ATP2B2: variants seen among roughly 807,000 people sequenced by gnomAD.
The protein encoded by ATP2B2 is plasma membrane calcium-transporting ATPase 2.
A neutral mutation model predicts 120.0 loss-of-function variants in ATP2B2; 15 were observed. The observed-to-expected ratio is 0.12, with a 90% CI of 0.08 to 0.19. ATP2B2 has a LOEUF of 0.19. Among genes scored for constraint, ATP2B2 ranks in the 10% least tolerant of loss-of-function variants. ATP2B2 has a pLI of 1.00. For synonymous variants in ATP2B2, 694 were observed against 700.3 expected (o/e 0.99, Z 0.14); for missense variants, 1,045 against 1,719.8 (o/e 0.61, Z 6.94).
At chr3:10,610,958 C>T (rs745973597) in intron 2 of ATP2B2, among the ~76,000 whole-genome samples, 19 of 152,182 alleles carry the variant, frequency 1.2e-4, no homozygotes, top group African/African-American at 3.4e-4. Context: ...GCATCCTGCC[C>T]GGCTGGGCTC....
chr3:10,417,360 G>A (rs1409034527), intron 2 of ATP2B2, among the ~76,000 whole-genome samples: 5 of 151,270 alleles, frequency 3.3e-5, no homozygotes, highest in African/African-American at 4.9e-5. Flanking sequence ...TGCAGCAGCC[G>A]GGCAGAGGCG....
intron 1 of ATP2B2, among the ~76,000 whole-genome samples, chr3:10,706,190 GTGAATGAA>G (rs913634187): frequency 5.9e-5 from 9 of 152,118 alleles, no homozygotes; most frequent in African/African-American, 1.7e-4. Context: ...GAGTGAGTGA[GTGAATGAA>G]TGAATGAATG....
At chr3:10,419,543 G>T (rs3774145) in intron 2 of ATP2B2, among the ~76,000 whole-genome samples, 26,694 of 152,162 alleles carry the variant, frequency 0.18, 5,207 homozygotes, top group African/African-American at 0.49. Flanking sequence ...TACCTAGATC[G>T]GGAGACCTGG....
At chr3:10,469,541 C>T (rs564436806) in intron 1 of ATP2B2, among the ~76,000 whole-genome samples, 1 of 152,224 alleles carries the variant, frequency 6.6e-6, no homozygotes, top group African/African-American at 2.4e-5. Context: ...AAGCCAGCGT[C>T]AGGCCCCCTG....
intron 1 of ATP2B2, among the ~76,000 whole-genome samples, chr3:10,469,365 A>G (rs1236755523): frequency 1.3e-5 from 2 of 152,272 alleles, no homozygotes; most frequent in African/African-American, 2.4e-5. Flanking sequence ...AACTTGCCCA[A>G]GGTCACTCAG....
At chr3:10,496,894 C>T (rs1054815344) in intron 1 of ATP2B2, among the ~76,000 whole-genome samples, 1 of 152,236 alleles carries the variant, frequency 6.6e-6, no homozygotes, top group African/African-American at 2.4e-5. Flanking sequence ...CAACTCCAAT[C>T]CACTTTGTGG....
At chr3:10,512,459 T>TGC (rs1427493421) in intron 3 of ATP2B2, among the ~76,000 whole-genome samples, 54 of 80,608 alleles carry the variant, frequency 6.7e-4, no homozygotes, top group African/African-American at 4.7e-3. Flanking sequence ...TGCTAAAGTG[T>TGC]GTGCGCACAC....
chr3:10,606,948 GAGGGGGA>G (rs138507793), intron 2 of ATP2B2, among the ~76,000 whole-genome samples: 44,794 of 118,786 alleles, frequency 0.38, 9,273 homozygotes, highest in East Asian at 0.76. Context: ...GGGAGAGGGA[GAGGGGGA>G]GGGGGGGAGA....
rs2063486100 is a variant in ATP2B2, at chr3:10,436,561, T to C, written c.199+12784A>G. Among the ~76,000 whole-genome samples the C allele has an allele frequency of 2.0e-5, 3 of 152,236 alleles. No homozygotes were observed. The South Asian group carries it at 6.2e-4, about 32-fold the overall frequency. Reference sequence around the variant, plus strand: ...GACCAAAAGAAGCTTTTGTAGTGGATTTTTCCCAACCTGCAGTTCCCCAAA... The same window carrying C: ...GACCAAAAGAAGCTTTTGTAGTGGACTTTTCCCAACCTGCAGTTCCCCAAA... On this transcript the variant is annotated intron_variant, in intron 2 of 22. Coordinates refer to ENST00000360273, the MANE Select transcript of ATP2B2 (RefSeq NM_001001331.4).
intron 1 of ATP2B2, among the ~76,000 whole-genome samples, chr3:10,486,565 A>G (rs1256420118): frequency 1.3e-5 from 2 of 151,244 alleles, no homozygotes; most frequent in Non-Finnish European, 2.9e-5. Context: ...GCACTGGCTG[A>G]CTCCTTTGCT....
In ATP2B2 at chr3:10,695,251, G is replaced by GGAGGGGGAGAGAGAGAGA. The variant is rs60247955; in HGVS notation, c.-460+12663_-460+12664insTCTCTCTCTCTCCCCCTC. ...GGTAGCAGGCAAAGGAGGGAGGGAG[G>GGAGGGGGAGAGAGAGAGA]GAGAGAGAGAGAGAGAGAGAGAGAG... is the stretch of plus-strand genomic sequence containing the variant. On this transcript the variant is annotated intron_variant, in intron 1 of 21. Transcript: ENST00000646379. 1.7e-3 allele frequency among the ~76,000 whole-genome samples: 213 copies of GGAGGGGGAGAGAGAGAGA among 126,956 alleles called. 2 individuals carry two copies. The highest frequency in any genetic ancestry group is 4.1e-3 in the African/African-American group (121 of 29,448). The allele number at this position is 126,956 out of a possible 152,430, so 83.3% of individuals were successfully genotyped here.
intron 1 of ATP2B2, among the ~76,000 whole-genome samples, chr3:10,631,454 A>C (rs1293386038): frequency 6.6e-6 from 1 of 152,260 alleles, no homozygotes; most frequent in African/African-American, 2.4e-5. Flanking sequence ...GCTCAAGGTC[A>C]CACAGTTGGC....
chr3:10,356,155 CGT>C (rs911717639), intron 14 of ATP2B2, among the ~76,000 whole-genome samples: 842 of 26,368 alleles, frequency 0.032, 126 homozygotes, highest in African/African-American at 0.056. Flanking sequence ...TGCGTGTGTG[CGT>C]GTGTGTGTGT....
intron 3 of ATP2B2, among the ~76,000 whole-genome samples, chr3:10,529,848 G>A (rs1397536539): frequency 6.6e-6 from 1 of 152,158 alleles, no homozygotes; most frequent in African/African-American, 2.4e-5. Context: ...GGACACAGAG[G>A]CACTCACTGG....
In ATP2B2 at chr3:10,326,896, T is replaced by C. The variant is rs567983432; in HGVS notation, c.*1918A>G. 12 of 398,924 alleles carry C rather than the reference T, an allele frequency of 3.0e-5. No individual in the cohort carries two copies. In the East Asian group the frequency reaches 4.3e-4, roughly 14 times the overall value. The allele number at this position is 398,924 out of a possible 1,614,324, so 24.7% of individuals were successfully genotyped here. A position where few individuals can be genotyped will look rare whatever the true frequency, so the allele number is the denominator to read the frequency against. On this transcript the variant is annotated 3_prime_UTR_variant, in exon 23 of 23. Transcript: ENST00000360273. ...TCATCTTGTTTGTGGAAGAGTTCTC[T>C]GGGCCTGGAGAAGGGAAGGGGCTGG... is the stretch of plus-strand genomic sequence containing the variant.
chr3:10,662,375 G>T (rs558284730), intron 1 of ATP2B2, among the ~76,000 whole-genome samples: 2 of 149,370 alleles, frequency 1.3e-5, no homozygotes, highest in East Asian at 3.9e-4. Context: ...AATCTACAAA[G>T]AACTCAAACA....
chr3:10,377,132 T>C (rs1455758665), intron 10 of ATP2B2, among the ~76,000 whole-genome samples: 2 of 152,174 alleles, frequency 1.3e-5, no homozygotes, highest in Non-Finnish European at 2.9e-5. Flanking sequence ...GTGAGGACTT[T>C]GAAGGCCATG....
chr3:10,484,311 C>A (rs1395223602), intron 1 of ATP2B2, among the ~76,000 whole-genome samples: 1 of 152,158 alleles, frequency 6.6e-6, no homozygotes, highest in East Asian at 1.9e-4. Context: ...GGGGTGAACA[C>A]ACAGCCCCCT....
In ATP2B2 at chr3:10,431,749, A is replaced by T. The variant is rs1308002540; in HGVS notation, c.199+17596T>A. On this transcript the variant is annotated intron_variant, in intron 2 of 22. Transcript: ENST00000360273. ...GAAACATCTACTGAATGAATAACTT[A>T]AAAAAAAAAAAAGGATTTCCCAGTG... Among the ~76,000 whole-genome samples, 8 of 121,962 alleles carry T rather than the reference A, an allele frequency of 6.6e-5. No homozygotes were observed. In the East Asian group the frequency reaches 1.6e-3, roughly 25 times the overall value. The allele number at this position is 121,962 out of a possible 152,430, so 80.0% of individuals were successfully genotyped here.
Sources: allele counts gnomAD v4.1 joint callset (sites outside exome capture counted in the v4.1 genomes callset), GRCh38; gene constraint gnomAD v4.1.1; transcripts MANE v1.5; gene names NCBI Gene and HGNC (gene_info 2026-07-23, HGNC 2026-07-21).